The following TLN2 variants were observed in gnomAD, a reference collection of about 807,000 sequenced individuals.
TLN2 encodes talin-2.
In TLN2, 118 loss-of-function variants were observed where a neutral mutation model predicts 294.7. The observed-to-expected ratio is 0.40, with a 90% CI of 0.34 to 0.47. The LOEUF is 0.47. Among genes scored for constraint, TLN2 ranks in the 20% least tolerant of loss-of-function variants. TLN2 has a pLI of 0.84. For synonymous variants in TLN2, 1,431 were observed against 1,304.5 expected, an observed-to-expected ratio of 1.10 and a Z score of -2.09; for missense variants, 3,083 against 3,282.2, an observed-to-expected ratio of 0.94 and a Z score of 1.48.
At chr15:62,605,046 AAATC>A (rs541631973) in intron 2 of TLN2, among the ~76,000 whole-genome samples, 258 of 152,284 alleles carry the variant, frequency 1.7e-3, no homozygotes, top group African/African-American at 6.1e-3. Flanking sequence ...TGTGGGAAGA[AAATC>A]AAAGGTGATG....
At chr15:62,491,337 A>AAAT (rs764415455) in intron 1 of TLN2, among the ~76,000 whole-genome samples, 48 of 114,980 alleles carry the variant, frequency 4.2e-4, no homozygotes, top group African/African-American at 1.3e-3. Context: ...AAAAAAAAAA[A>AAAT]ATATATATAT....
intron 46 of TLN2, among the ~76,000 whole-genome samples, chr15:62,794,820 T>C (rs922565703): frequency 2.6e-5 from 4 of 152,144 alleles, no homozygotes; most frequent in African/African-American, 9.7e-5. Flanking sequence ...TGTCTCATAC[T>C]CCATGCCTCT....
intron 1 of TLN2, among the ~76,000 whole-genome samples, chr15:62,531,489 C>T (rs2041040751): frequency 6.6e-6 from 1 of 151,984 alleles, no homozygotes; most frequent in Admixed American, 6.6e-5. Flanking sequence ...GTATATTGCA[C>T]AGTGTGGTGA....
intron 1 of TLN2, among the ~76,000 whole-genome samples, chr15:62,427,340 A>G (rs916098696): frequency 5.3e-5 from 8 of 152,182 alleles, no homozygotes; most frequent in Middle Eastern, 3.4e-3. Context: ...AATTCTGTCT[A>G]CTTGGGGTTA....
intron 1 of TLN2, among the ~76,000 whole-genome samples, chr15:62,583,800 A>G (rs1220779518): frequency 1.3e-5 from 2 of 152,280 alleles, no homozygotes; most frequent in African/African-American, 2.4e-5. Context: ...CATTCTAGTT[A>G]CACCTATTAC....
intron 1 of TLN2, among the ~76,000 whole-genome samples, chr15:62,402,886 A>G (rs1228099407): frequency 6.6e-6 from 1 of 152,120 alleles, no homozygotes; most frequent in Non-Finnish European, 1.5e-5. Context: ...TTGCATCATC[A>G]GTTTCTCACT....
intron 1 of TLN2, among the ~76,000 whole-genome samples, chr15:62,555,725 T>G (rs952864239): frequency 3.9e-5 from 6 of 152,184 alleles, no homozygotes; most frequent in African/African-American, 1.4e-4. Flanking sequence ...CCCGGTATAA[T>G]GTGTCAAACA....
chr15:62,429,131 T>TCGG (rs2034875451), intron 1 of TLN2, among the ~76,000 whole-genome samples: 2 of 138,770 alleles, frequency 1.4e-5, no homozygotes, highest in South Asian at 4.9e-4. Context: ...TGGCGGGGGT[T>TCGG]GGGGGGGTAG....
chr15:62,430,891 A>G (rs924999126), intron 1 of TLN2, among the ~76,000 whole-genome samples: 4 of 150,804 alleles, frequency 2.7e-5, no homozygotes, highest in African/African-American at 9.7e-5. Context: ...GAAGTCTCAA[A>G]GGCTTCCTGG....
chr15:62,542,602 C>T (rs752628298), intron 1 of TLN2, among the ~76,000 whole-genome samples: 1 of 152,138 alleles, frequency 6.6e-6, no homozygotes, highest in Admixed American at 6.5e-5. Context: ...AGACCTACCC[C>T]AGACTGATTC....
chr15:62,602,966 C>G (rs922742531), intron 2 of TLN2, among the ~76,000 whole-genome samples: 10 of 151,632 alleles, frequency 6.6e-5, no homozygotes, highest in African/African-American at 2.4e-4. Flanking sequence ...GATCTTGGCT[C>G]ACTGCAAACT....
At chr15:62,726,355 C>T (rs2060440839) in intron 27 of TLN2, among the ~76,000 whole-genome samples, 1 of 152,138 alleles carries the variant, frequency 6.6e-6, no homozygotes, top group Admixed American at 6.5e-5. Context: ...TTTCTGATGC[C>T]TTTTTGTACT....
Position 62,781,233 on chromosome 15 carries a change from C to T in TLN2, c.5608C>T (p.Gln1870Ter). 6.2e-7 allele frequency: 1 copy of T among 1,613,590 alleles called. No individual in the cohort carries two copies. Among genetic ancestry groups the T allele is most frequent in the Non-Finnish European group, 8.5e-7 (1 of 1,179,602 alleles). ...CTCCAAAGCCATTGCGGTGACAGCT[C>T]AGGAAATGGTAAGAGGGAAGAGAGC... is the stretch of plus-strand genomic sequence containing the variant. The part of the protein sequence containing the change: ...KYSKAIAVTA[Q>*]EMMTKSVTNP... The change falls in exon 44 of 59, where the codon CAG becomes TAG. Residue 1870 changes from glutamine to a stop codon, truncating the protein, a stop_gained. Transcript: ENST00000636159. LOFTEE classifies it high-confidence loss of function.
At chr15:62,662,749 C>A (rs6494340) in intron 9 of TLN2, among the ~76,000 whole-genome samples, 129,635 of 150,804 alleles carry the variant, frequency 0.86, 58,969 homozygotes, top group Non-Finnish European at 1. Context: ...ATAATATATT[C>A]ATGATGATGA....
At chr15:62,763,339 A>G (rs2062796116) in intron 39 of TLN2, 1 of 461,180 alleles carries the variant, frequency 2.2e-6, no homozygotes, top group Non-Finnish European at 3.7e-6. Context: ...GGGCAGGACC[A>G]TATTCTTTCC....
chr15:62,784,864 T>C (rs1251556688), intron 45 of TLN2: 1 of 152,262 alleles, frequency 6.6e-6, no homozygotes, highest in Non-Finnish European at 1.5e-5. Flanking sequence ...TCTTCTCTTC[T>C]CCTTATAGTG....
chr15:62,399,490 A>G (rs2032855699), intron 1 of TLN2, among the ~76,000 whole-genome samples: 1 of 152,110 alleles, frequency 6.6e-6, no homozygotes, highest in Non-Finnish European at 1.5e-5. Flanking sequence ...AGCTTGCACC[A>G]CATACCTGGA....
intron 35 of TLN2, 60 bp downstream of exon 35, chr15:62,752,487 G>A: frequency 6.3e-7 from 1 of 1,584,358 alleles, no homozygotes; most frequent in Non-Finnish European, 8.6e-7. Context: ...GGGAGGTGTG[G>A]GGGAACTCCA....
chr15:62,618,838 G>A (rs2048528593), intron 3 of TLN2, among the ~76,000 whole-genome samples: 1 of 152,218 alleles, frequency 6.6e-6, no homozygotes, highest in African/African-American at 2.4e-5. Flanking sequence ...CTGGCTTTAA[G>A]TGTACAGAAC....
Sources: allele counts gnomAD v4.1 joint callset (sites outside exome capture counted in the v4.1 genomes callset), GRCh38; gene constraint gnomAD v4.1.1; transcripts MANE v1.5; gene names NCBI Gene and HGNC (gene_info 2026-07-23, HGNC 2026-07-21).